Variants in SLC35E4 observed in about 807,000 individuals in gnomAD.
The protein encoded by SLC35E4 is solute carrier family 35, member E4.
A neutral mutation model predicts 19.3 loss-of-function variants in SLC35E4; 15 were observed. The ratio of observed to expected loss-of-function variants is 0.78; its 90% confidence interval spans 0.52 to 1.20. SLC35E4 has a LOEUF of 1.20. Among genes scored for constraint, SLC35E4 ranks in the 50% most tolerant of loss-of-function variants. The probability of loss-of-function intolerance (pLI) is 0.00; values close to 1 mark genes in which losing one functional copy is unlikely to be tolerated. For missense variants in SLC35E4, 406 were observed against 472.3 expected (o/e 0.86, Z 1.30); for synonymous variants, 219 against 219.9 (o/e 1.00, Z 0.04).
intron 2 of SLC35E4, among the ~76,000 whole-genome samples, chr22:30,655,228 G>C (rs925597741): frequency 6.6e-6 from 1 of 151,664 alleles, no homozygotes; most frequent in Non-Finnish European, 1.5e-5. Flanking sequence ...GGCTGAGAAA[G>C]GTGGATGGCT....
chr22:30,641,517 T>A (rs558218030), intron 1 of SLC35E4, among the ~76,000 whole-genome samples: 30 of 152,108 alleles, frequency 2.0e-4, no homozygotes, highest in Non-Finnish European at 4.0e-4. Flanking sequence ...AGAGGATACA[T>A]AATTTGTAAA....
At chr22:30,650,766 C>T (rs79460208), downstream of SLC35E4, among the ~76,000 whole-genome samples, 5,882 of 152,236 alleles carry the variant, frequency 0.039, 209 homozygotes, top group African/African-American at 0.099. Flanking sequence ...CCTCCTCAGC[C>T]TGCCAGAGCA....
At chr22:30,643,700 TAAG>T (rs1434083445) in intron 1 of SLC35E4, among the ~76,000 whole-genome samples, 1 of 151,856 alleles carries the variant, frequency 6.6e-6, no homozygotes, top group Admixed American at 6.6e-5. Flanking sequence ...CCACACGACT[TAAG>T]GAGACTGAGG....
At position 30,637,049 on chromosome 22, in the gene SLC35E4, G is replaced by T. The variant is rs765544748; in HGVS notation, c.599G>T (p.Gly200Val). ...GFLLAATCLR[G>V]LKSVQQSALL... ...CTGCTCGCAGCCACCTGCCTCCGCG[G>T]ACTCAAGTCGGTTCAGCAAAGTAAG... Residue 200 changes from glycine (G) to valine (V), a missense_variant, in exon 1 of 2, where the codon GGA becomes GTA. Transcript: ENST00000343605. The T allele has an allele frequency of 1.3e-6, 2 of 1,575,664 alleles. No homozygotes were observed. Among genetic ancestry groups the T allele is most frequent in the Non-Finnish European group, 1.7e-6 (2 of 1,157,470 alleles).
chr22:30,651,417 A>T (rs1602084741), downstream of SLC35E4, among the ~76,000 whole-genome samples: 2 of 66,522 alleles, frequency 3.0e-5, no homozygotes, highest in Admixed American at 2.3e-4. Flanking sequence ...ATATATATAT[A>T]TATATATATA....
At chr22:30,643,118 G>A (rs942907752) in intron 1 of SLC35E4, among the ~76,000 whole-genome samples, 4 of 152,006 alleles carry the variant, frequency 2.6e-5, no homozygotes, top group African/African-American at 9.7e-5. Flanking sequence ...TGGGCCAGTT[G>A]TAGGCCCAGG....
intron 1 of SLC35E4, 120 bp from the exon 2 acceptor site, chr22:30,646,478 C>G: frequency 1.7e-6 from 2 of 1,178,124 alleles, no homozygotes; most frequent in Non-Finnish European, 2.4e-6. Context: ...GATCAGGAGC[C>G]ACTAGCCCTG....
chr22:30,640,855 A>AG lies in SLC35E4; in HGVS notation c.619+3788dup, dbSNP rs112969023. 5.0e-3 allele frequency among the ~76,000 whole-genome samples: 758 copies of AG among 152,258 alleles called. 3 individuals are homozygous for AG. Among genetic ancestry groups the AG allele is most frequent in the African/African-American group, 0.017 (704 of 41,544 alleles). ...GATCCTGTGACCCAGGCCTGGGAGA[A>AG]GGAAGTGGGCACACCAAGAGTGCTG... On this transcript the variant is annotated intron_variant, in intron 1 of 1. Coordinates refer to ENST00000343605, the MANE Select transcript of SLC35E4 (RefSeq NM_001001479.4).
chr22:30,641,943 G>T (rs1275858751), intron 1 of SLC35E4, among the ~76,000 whole-genome samples: 1 of 152,038 alleles, frequency 6.6e-6, no homozygotes, highest in East Asian at 1.9e-4. Flanking sequence ...GGGGCTAGAG[G>T]CCCCACTAAC....
chr22:30,650,100 G>A (rs1243534223), downstream of SLC35E4, among the ~76,000 whole-genome samples: 1 of 149,378 alleles, frequency 6.7e-6, no homozygotes, highest in Non-Finnish European at 1.5e-5. Flanking sequence ...GGGAGTCCGA[G>A]GGGGGCGGAT....
chr22:30,664,579 T>C (rs2088584230), downstream of SLC35E4, among the ~76,000 whole-genome samples: 1 of 152,198 alleles, frequency 6.6e-6, no homozygotes, highest in Admixed American at 6.5e-5. Context: ...AATCATAAGG[T>C]CCTGAGCCAG....
intron 2 of SLC35E4, chr22:30,653,976 TG>T (rs200352918): frequency 6.8e-5 from 10 of 147,120 alleles, no homozygotes; most frequent in Middle Eastern, 3.2e-3. Flanking sequence ...TTAGCTGTTT[TG>T]TTTTTTTGTT....
At chr22:30,663,613 G>A, downstream of SLC35E4, 1 of 1,614,214 alleles carries the variant, frequency 6.2e-7, no homozygotes, top group Non-Finnish European at 8.5e-7. Context: ...GTCCACGTGT[G>A]GGCGTCCAGC....
chr22:30,644,301 G>A (rs1369681443), intron 1 of SLC35E4, among the ~76,000 whole-genome samples: 3 of 152,196 alleles, frequency 2.0e-5, no homozygotes, highest in Non-Finnish European at 4.4e-5. Flanking sequence ...CATAGCCTAT[G>A]AGTAAGCATC....
downstream of SLC35E4, among the ~76,000 whole-genome samples, chr22:30,651,274 C>T (rs2088204462): frequency 6.7e-6 from 1 of 150,362 alleles, no homozygotes; most frequent in Non-Finnish European, 1.5e-5. Flanking sequence ...AATCTTGGCT[C>T]ACTGCAACCT....
chr22:30,667,147 A>G (rs958082213), downstream of SLC35E4: 3 of 152,218 alleles, frequency 2.0e-5, no homozygotes, highest in African/African-American at 7.2e-5. Flanking sequence ...CTTCAAAGCA[A>G]CCTAATCAGA....
chr22:30,661,435 T>C (rs895668041), intron 2 of SLC35E4: 1 of 121,146 alleles, frequency 8.3e-6, no homozygotes, highest in African/African-American at 2.6e-5. Flanking sequence ...CTTTTTTTCT[T>C]TTCTTTTTCT....
At chr22:30,668,394 C>T (rs558923625) in exon 3 of SLC35E4, 2 of 152,420 alleles carry the variant, frequency 1.3e-5, no homozygotes. Context: ...TCAGCCGGAC[C>T]TCGGCCCTTT....
chr22:30,641,910 G>T (rs1416806185), intron 1 of SLC35E4, among the ~76,000 whole-genome samples: 1 of 152,030 alleles, frequency 6.6e-6, no homozygotes, highest in Non-Finnish European at 1.5e-5. Context: ...TGGTTGGGCT[G>T]CCTGATTCAG....
Sources: gnomAD v4.1 joint callset for allele counts (sites outside exome capture counted in the v4.1 genomes callset) on GRCh38, gnomAD v4.1.1 for gene constraint, MANE v1.5 for transcripts, NCBI Gene and HGNC (gene_info 2026-07-23, HGNC 2026-07-21) for gene names.